Variants in GMPR observed in about 807,000 individuals in gnomAD.
GMPR encodes GMP reductase 1.
A neutral mutation model predicts 38.4 loss-of-function variants in GMPR; 31 were observed. That is an observed-to-expected ratio of 0.81 (90% CI 0.61 to 1.09). The LOEUF is 1.09. GMPR is among the 50% of genes least tolerant of loss of function. The pLI, the probability that GMPR is intolerant of heterozygous loss-of-function variation, is 0.00. For missense variants in GMPR, 468 were observed against 453.7 expected (o/e 1.03, Z -0.29); for synonymous variants, 162 against 173.3 (o/e 0.93, Z 0.51).
At chr6:16,248,900 T>C (rs1758810537) in intron 2 of GMPR, among the ~76,000 whole-genome samples, 1 of 152,190 alleles carries the variant, frequency 6.6e-6, no homozygotes, top group Non-Finnish European at 1.5e-5. Context: ...CTAGGAAGTC[T>C]CCCTGCTAAC....
intron 5 of GMPR, among the ~76,000 whole-genome samples, chr6:16,275,838 G>A (rs769493502): frequency 2.6e-5 from 4 of 152,110 alleles, no homozygotes; most frequent in African/African-American, 7.2e-5. Context: ...TGGGTGGATC[G>A]CTTGAGCCCA....
rs116633477 is a variant in GMPR at position 16,290,511 on chromosome 6, G to A, written c.747G>A (p.Thr249=). 883 of 1,613,942 alleles carry A rather than the reference G, an allele frequency of 5.5e-4. 1 individual carries two copies. In the African/African-American group the frequency reaches 0.01, roughly 18 times the overall value. ...TGGGAGGAATGTTTTCGGGTCATAC[G>A]GAGTGTGCTGGAGAAGTGTTTGAGA... is the stretch of plus-strand genomic sequence containing the variant. The part of the protein sequence containing the change: ...VMLGGMFSGH[T]ECAGEVFERN... The change falls in exon 8 of 9, where the codon ACG becomes ACA. Residue 249 remains threonine (T), a synonymous_variant. Coordinates refer to ENST00000259727, the MANE Select transcript of GMPR (RefSeq NM_006877.4).
intron 4 of GMPR, chr6:16,262,601 T>C (rs1401697469): frequency 6.6e-6 from 1 of 152,030 alleles, no homozygotes; most frequent in Non-Finnish European, 1.5e-5. Context: ...ATTGTACACC[T>C]TGAAGGCGAG....
chr6:16,277,065 A>G (rs1314362604), intron 5 of GMPR, among the ~76,000 whole-genome samples: 1 of 152,106 alleles, frequency 6.6e-6, no homozygotes, highest in Non-Finnish European at 1.5e-5. Flanking sequence ...GAGGAGGAGA[A>G]AAGCTGAGGC....
At chr6:16,294,763 C>G (rs1759905352) in intron 8 of GMPR, among the ~76,000 whole-genome samples, 1 of 152,200 alleles carries the variant, frequency 6.6e-6, no homozygotes, top group Non-Finnish European at 1.5e-5. Flanking sequence ...ACTTTCCTCT[C>G]CGCAACATGC....
intron 1 of GMPR, among the ~76,000 whole-genome samples, chr6:16,240,541 C>T (rs1284434919): frequency 6.6e-6 from 1 of 152,156 alleles, no homozygotes; most frequent in Non-Finnish European, 1.5e-5. Flanking sequence ...AAGGCTGAGG[C>T]GGGAGGATGG....
At chr6:16,282,808 T>G (rs1485855019) in intron 6 of GMPR, among the ~76,000 whole-genome samples, 2 of 152,154 alleles carry the variant, frequency 1.3e-5, no homozygotes, top group Admixed American at 1.3e-4. Context: ...CAAGTATTTT[T>G]TTTTTCTTTT....
chr6:16,270,983 T>TA (rs1367419826), intron 4 of GMPR, among the ~76,000 whole-genome samples: 1 of 152,052 alleles, frequency 6.6e-6, no homozygotes, highest in African/African-American at 2.4e-5. Context: ...GGCCAGGAGT[T>TA]AGAGACCAGC....
At chr6:16,277,533 G>T (rs1759493801) in intron 5 of GMPR, among the ~76,000 whole-genome samples, 1 of 152,192 alleles carries the variant, frequency 6.6e-6, no homozygotes, top group African/African-American at 2.4e-5. Context: ...TGGAGACAGG[G>T]ATGTGGGTGA....
At chr6:16,239,272 C>G (rs1325436627) in intron 1 of GMPR, among the ~76,000 whole-genome samples, 5 of 152,174 alleles carry the variant, frequency 3.3e-5, no homozygotes, top group African/African-American at 1.2e-4. Context: ...GGCACAAGTT[C>G]AGGGTTTCCT....
chr6:16,280,309 C>G (rs1159251849), intron 6 of GMPR, among the ~76,000 whole-genome samples: 1 of 152,212 alleles, frequency 6.6e-6, no homozygotes, highest in Non-Finnish European at 1.5e-5. Flanking sequence ...GGATCAAGGT[C>G]TTTCACTCGC....
chr6:16,259,253 G>A (rs1159110861), intron 4 of GMPR: 1 of 151,970 alleles, frequency 6.6e-6, no homozygotes, highest in Non-Finnish European at 1.5e-5. Flanking sequence ...TTTGAGCCAG[G>A]ATGAGCTAGG....
chr6:16,239,531 T>C (rs759133514), intron 1 of GMPR, among the ~76,000 whole-genome samples: 1 of 152,118 alleles, frequency 6.6e-6, no homozygotes. Context: ...AAGGATAAAC[T>C]AGTTGCCTGA....
chr6:16,290,354 C>T (rs1759815958), intron 7 of GMPR, 108 bp from the exon 8 acceptor site: 1 of 942,808 alleles, frequency 1.1e-6, no homozygotes, highest in Non-Finnish European at 1.7e-6. Flanking sequence ...TTGACTATAG[C>T]TGGGCGGGGA....
At chr6:16,268,349 C>G (rs1041190201) in intron 4 of GMPR, among the ~76,000 whole-genome samples, 1 of 152,198 alleles carries the variant, frequency 6.6e-6, no homozygotes. Flanking sequence ...GACTCTCACT[C>G]TGTTGCCCAG....
chr6:16,259,244 T>C (rs1036608222), intron 4 of GMPR: 5 of 151,888 alleles, frequency 3.3e-5, no homozygotes, highest in Admixed American at 6.6e-5. Context: ...AGGGGAGCTT[T>C]TGAGCCAGGA....
At chr6:16,283,218 A>T (rs1365049396) in intron 6 of GMPR, among the ~76,000 whole-genome samples, 1 of 152,216 alleles carries the variant, frequency 6.6e-6, no homozygotes, top group East Asian at 1.9e-4. Flanking sequence ...TTTTGGAAAA[A>T]CAAAAAAAGG....
At chr6:16,255,685 A>G (rs1758959173) in intron 4 of GMPR, among the ~76,000 whole-genome samples, 1 of 152,206 alleles carries the variant, frequency 6.6e-6, no homozygotes, top group Non-Finnish European at 1.5e-5. Flanking sequence ...AAAAACCTGT[A>G]TTGTAATTAT....
chr6:16,282,370 T>C (rs959196245), intron 6 of GMPR, among the ~76,000 whole-genome samples: 2 of 152,140 alleles, frequency 1.3e-5, no homozygotes, highest in Admixed American at 6.6e-5. Context: ...TAATTAATCT[T>C]TTTTTTTGAG....
Sources: allele counts gnomAD v4.1 joint callset (sites outside exome capture counted in the v4.1 genomes callset), GRCh38; gene constraint gnomAD v4.1.1; transcripts MANE v1.5; gene names NCBI Gene and HGNC (gene_info 2026-07-23, HGNC 2026-07-21).